The following TMEM116 variants were observed in gnomAD, a reference collection of about 807,000 sequenced individuals.
TMEM116 encodes transmembrane protein 116.
Under a neutral mutation model 44.3 loss-of-function variants are expected in TMEM116, and 38 were observed. The ratio of observed to expected loss-of-function variants is 0.86; its 90% CI spans 0.66 to 1.12. The LOEUF (loss-of-function observed/expected upper bound fraction) is 1.12. TMEM116 is among the 50% of genes most tolerant of loss of function. The probability of loss-of-function intolerance (pLI) is 0.00; values close to 1 mark genes in which losing one functional copy is unlikely to be tolerated. For missense variants in TMEM116, 354 were observed against 401.7 expected, an observed-to-expected ratio of 0.88 and a Z score of 1.01; for synonymous variants, 132 against 144.8, an observed-to-expected ratio of 0.91 and a Z score of 0.64.
At chr12:111,992,776 C>T (rs1729790238) in intron 3 of TMEM116, among the ~76,000 whole-genome samples, 1 of 152,168 alleles carries the variant, frequency 6.6e-6, no homozygotes, top group Admixed American at 6.5e-5. Context: ...CATCCCCATT[C>T]CCACTTATCT....
intron 1 of TMEM116, among the ~76,000 whole-genome samples, chr12:112,007,647 A>C (rs1463092363): frequency 2.0e-5 from 3 of 152,218 alleles, no homozygotes; most frequent in African/African-American, 7.2e-5. Flanking sequence ...TTACCTAATA[A>C]AGGTGAGGAG....
At chr12:111,951,371 G>C (rs575862973) in intron 4 of TMEM116, among the ~76,000 whole-genome samples, 2 of 152,298 alleles carry the variant, frequency 1.3e-5, no homozygotes, top group South Asian at 4.1e-4. Context: ...GCACACATAC[G>C]TTTGCTGCAG....
At chr12:111,948,275 G>A (rs576805345) in intron 4 of TMEM116, among the ~76,000 whole-genome samples, 58 of 152,334 alleles carry the variant, frequency 3.8e-4, no homozygotes, top group African/African-American at 1.4e-3. Context: ...AATAGTTCAA[G>A]TCTTCTGAGA....
intron 4 of TMEM116, among the ~76,000 whole-genome samples, chr12:111,972,113 A>C (rs1486818289): frequency 2.0e-5 from 3 of 151,310 alleles, no homozygotes; most frequent in Non-Finnish European, 2.9e-5. Context: ...AAAAACAAAA[A>C]AACAAAACCC....
chr12:111,983,056 G>A (rs1049186271), intron 4 of TMEM116, among the ~76,000 whole-genome samples: 9 of 152,096 alleles, frequency 5.9e-5, no homozygotes, highest in African/African-American at 2.2e-4. Flanking sequence ...TACACTTTGG[G>A]AGGCTGAGGT....
intron 4 of TMEM116, among the ~76,000 whole-genome samples, chr12:111,956,973 A>G (rs907282281): frequency 1.3e-5 from 2 of 148,662 alleles, no homozygotes; most frequent in Non-Finnish European, 3.0e-5. Context: ...CTGGCCGCCC[A>G]TCGTCTGTGA....
intron 4 of TMEM116, among the ~76,000 whole-genome samples, chr12:111,982,781 A>G (rs988637362): frequency 1.2e-4 from 19 of 152,192 alleles, no homozygotes; most frequent in African/African-American, 4.3e-4. Flanking sequence ...GCAAGTAGGA[A>G]GCAAAGGCTA....
chr12:111,969,320 C>T (rs1057053998), intron 4 of TMEM116, among the ~76,000 whole-genome samples: 1 of 86,798 alleles, frequency 1.2e-5, no homozygotes, highest in Non-Finnish European at 2.5e-5. Flanking sequence ...CGCTCCATCT[C>T]AAAAAAAAAA....
intron 1 of TMEM116, chr12:112,011,755 T>C (rs2077846567): frequency 1.3e-5 from 2 of 152,268 alleles, no homozygotes; most frequent in African/African-American, 2.4e-5. Flanking sequence ...TGGAGTGCAG[T>C]GGCAGCAATC....
At chr12:111,958,619 C>T (rs950513831) in intron 4 of TMEM116, among the ~76,000 whole-genome samples, 2 of 152,112 alleles carry the variant, frequency 1.3e-5, no homozygotes, top group Non-Finnish European at 2.9e-5. Flanking sequence ...AGACAAATTG[C>T]TAACTAGAAT....
At chr12:111,975,326 C>T (rs1421018037) in intron 4 of TMEM116, among the ~76,000 whole-genome samples, 2 of 136,162 alleles carry the variant, frequency 1.5e-5, no homozygotes, top group South Asian at 4.7e-4. Flanking sequence ...TATATACAAA[C>T]ATTTTTTTTT....
chr12:112,005,461 C>T, intron 1 of TMEM116, 158 bp from the exon 2 acceptor site: 1 of 528,816 alleles, frequency 1.9e-6, no homozygotes, highest in Non-Finnish European at 2.9e-6. Context: ...CTGAACAGGC[C>T]CCTGGAAAGA....
intron 4 of TMEM116, among the ~76,000 whole-genome samples, chr12:111,980,199 G>T (rs1164047421): frequency 1.3e-5 from 2 of 152,080 alleles, no homozygotes; most frequent in African/African-American, 4.8e-5. Flanking sequence ...AATGATGAAA[G>T]AATTTTAAAA....
chr12:111,931,805 C>A lies in TMEM116; in HGVS notation c.830G>T (p.Gly277Val). 1 of 1,534,928 alleles carries A rather than the reference C, an allele frequency of 6.5e-7. No individual in the cohort carries two copies. The highest frequency in any genetic ancestry group is 1.4e-5 in the African/African-American group (1 of 71,814). The change falls in exon 11 of 11, where the codon GGT becomes GTT. Residue 277 changes from glycine (G) to valine (V), a missense_variant. Coordinates refer to ENST00000552374, the MANE Select transcript of TMEM116 (RefSeq NM_001193531.2). ...VLQALTATSQ[G>V]LLNCGVYGWT... The stretch of plus-strand genomic sequence containing the variant: ...GCCATATACTCCACAGTTGAGTAGA[C>A]CCTGAGATGTTGCCGTTAGAGCCTG...
At chr12:111,937,980 T>C (rs965252166) in intron 6 of TMEM116, 181 bp downstream of exon 6, 1 of 406,866 alleles carries the variant, frequency 2.5e-6, no homozygotes, top group African/African-American at 2.1e-5. Context: ...AACATCAAGC[T>C]ACTTCCCTAT....
intron 4 of TMEM116, among the ~76,000 whole-genome samples, chr12:111,977,322 C>A (rs1187541305): frequency 6.6e-6 from 1 of 152,088 alleles, no homozygotes; most frequent in Non-Finnish European, 1.5e-5. Context: ...AATATTTAAA[C>A]TGTTGAAAGA....
chr12:111,994,506 G>A (rs2076818145), intron 3 of TMEM116, among the ~76,000 whole-genome samples: 1 of 152,218 alleles, frequency 6.6e-6, no homozygotes, highest in South Asian at 2.1e-4. Context: ...TTATTATTAA[G>A]TTTAGTGAGG....
At chr12:111,974,764 A>C (rs1160734148) in intron 4 of TMEM116, among the ~76,000 whole-genome samples, 1 of 152,126 alleles carries the variant, frequency 6.6e-6, no homozygotes, top group South Asian at 2.1e-4. Flanking sequence ...AAAGCCAATG[A>C]TGTCTACAAA....
intron 8 of TMEM116, 124 bp downstream of exon 8, chr12:111,936,567 TA>T (rs1478862043): frequency 2.2e-5 from 22 of 1,006,458 alleles, no homozygotes; most frequent in Non-Finnish European, 2.7e-5. Flanking sequence ...ATCTCCTAGC[TA>T]CTTTCTTAGT....
Sources: gnomAD v4.1 joint callset for allele counts (sites outside exome capture counted in the v4.1 genomes callset) on GRCh38, gnomAD v4.1.1 for gene constraint, MANE v1.5 for transcripts, NCBI Gene and HGNC (gene_info 2026-07-23, HGNC 2026-07-21) for gene names.